The following LINGO2 variants were observed in gnomAD, a reference collection of about 807,000 sequenced individuals.
LINGO2 encodes leucine-rich repeat and immunoglobulin-like domain-containing nogo receptor-interacting protein 2.
In LINGO2, 14 loss-of-function variants were observed where a neutral mutation model predicts 30.6. That is an observed-to-expected ratio of 0.46 (90% CI 0.30 to 0.72). The LOEUF is 0.72. Ranked by LOEUF, LINGO2 falls within the 30% of genes least tolerant of loss-of-function variation. The pLI is 0.07. For synonymous variants in LINGO2, 317 were observed against 288.5 expected, an observed-to-expected ratio of 1.10 and a Z score of -1.00; for missense variants, 729 against 751.7, an observed-to-expected ratio of 0.97 and a Z score of 0.35.
rs1182349790 is a variant in LINGO2, at chr9:28,435,237, C to A, written c.-279+40703G>T. ...TTAAACAAAAACCTGTTCAATTTTACTGTAAAGTAATTCAAGTCTTGTTTA... is the reference window on the plus strand; with the variant it reads ...TTAAACAAAAACCTGTTCAATTTTAATGTAAAGTAATTCAAGTCTTGTTTA... On this transcript the variant is annotated intron_variant, in intron 2 of 5. Coordinates refer to ENST00000379992, the Ensembl canonical transcript of LINGO2. 5.3e-5 allele frequency among the ~76,000 whole-genome samples: 8 copies of A among 152,232 alleles called. No individual in the cohort carries two copies. The East Asian group carries it at 1.5e-3, about 29-fold the overall frequency.
At chr9:28,363,797 T>G (rs1399151754) in intron 3 of LINGO2, among the ~76,000 whole-genome samples, 2 of 152,190 alleles carry the variant, frequency 1.3e-5, no homozygotes, top group African/African-American at 2.4e-5. Flanking sequence ...GTCTTTGAGG[T>G]TGACAATTAT....
intron 4 of LINGO2, among the ~76,000 whole-genome samples, chr9:28,177,098 G>A (rs559436801): frequency 4.6e-5 from 7 of 152,312 alleles, no homozygotes; most frequent in African/African-American, 1.7e-4. Flanking sequence ...ATAGAAAGAT[G>A]TGGATGCATC....
chr9:28,380,209 T>C (rs1343935422), intron 2 of LINGO2, among the ~76,000 whole-genome samples: 2 of 152,014 alleles, frequency 1.3e-5, no homozygotes, highest in Non-Finnish European at 2.9e-5. Flanking sequence ...TTCATTCATT[T>C]AATAAACAGG....
chr9:28,997,093 C>T, the LINGO2 span, among the ~76,000 whole-genome samples: 215 of 152,154 alleles, frequency 1.4e-3, no homozygotes, highest in African/African-American at 5.0e-3. Context: ...CATTGAAATA[C>T]CCTACTAATT....
intron 4 of LINGO2, among the ~76,000 whole-genome samples, chr9:28,284,258 T>C (rs1187278690): frequency 7.9e-5 from 12 of 152,174 alleles, no homozygotes; most frequent in Admixed American, 7.9e-4. Flanking sequence ...ACTTTGCTGA[T>C]GTTGGGTGAA....
chr9:28,473,242 T>C (rs982382777), intron 2 of LINGO2, among the ~76,000 whole-genome samples: 6 of 152,074 alleles, frequency 3.9e-5, no homozygotes, highest in African/African-American at 9.7e-5. Context: ...AGCTTCACAG[T>C]TGAAGAGTAG....
At chr9:28,623,853 ATCC>A (rs1826529396) in intron 1 of LINGO2, among the ~76,000 whole-genome samples, 1 of 151,982 alleles carries the variant, frequency 6.6e-6, no homozygotes, top group Admixed American at 6.6e-5. Context: ...CATTTTTTGT[ATCC>A]TCTTCAATTT....
chr9:28,451,234 A>G (rs1211117261), intron 2 of LINGO2, among the ~76,000 whole-genome samples: 1 of 151,864 alleles, frequency 6.6e-6, no homozygotes, highest in Non-Finnish European at 1.5e-5. Context: ...CTTTATGAAC[A>G]TTACTCTCAA....
At chr9:28,858,736 C>T in the LINGO2 span, among the ~76,000 whole-genome samples, 3 of 151,996 alleles carry the variant, frequency 2.0e-5, no homozygotes, top group East Asian at 1.9e-4. Context: ...AAAATGAGCA[C>T]ATAAATATTT....
the LINGO2 span, among the ~76,000 whole-genome samples, chr9:29,177,589 T>C: frequency 6.6e-6 from 1 of 152,154 alleles, no homozygotes; most frequent in Non-Finnish European, 1.5e-5. Flanking sequence ...TACCCAAATC[T>C]TATCCCAAAT....
At chr9:28,034,889 G>C (rs1440955860) in intron 4 of LINGO2, among the ~76,000 whole-genome samples, 3 of 152,180 alleles carry the variant, frequency 2.0e-5, no homozygotes, top group Non-Finnish European at 4.4e-5. Context: ...AGGTAGATCA[G>C]TTAGCAATTG....
At chr9:29,023,788 A>T in the LINGO2 span, among the ~76,000 whole-genome samples, 1 of 152,144 alleles carries the variant, frequency 6.6e-6, no homozygotes, top group Non-Finnish European at 1.5e-5. Flanking sequence ...ATTTCAGAAT[A>T]TTCAAAACTT....
At chr9:28,706,860 G>A in the LINGO2 span, among the ~76,000 whole-genome samples, 1 of 152,044 alleles carries the variant, frequency 6.6e-6, no homozygotes, top group Non-Finnish European at 1.5e-5. Flanking sequence ...GACCTTATCT[G>A]CTCTTTACCT....
chr9:28,902,487 A>C, the LINGO2 span, among the ~76,000 whole-genome samples: 6 of 152,180 alleles, frequency 3.9e-5, no homozygotes, highest in South Asian at 1.2e-3. Flanking sequence ...TCATCTAGAC[A>C]AATCAATAAG....
intron 3 of LINGO2, among the ~76,000 whole-genome samples, chr9:28,332,555 C>T (rs779890182): frequency 1.9e-4 from 28 of 150,788 alleles, no homozygotes; most frequent in Non-Finnish European, 2.5e-4. Context: ...TGAAGTTGGC[C>T]TTGTTGAAAT....
Position 28,129,013 on chromosome 9 carries a change from T to G in LINGO2, c.-86-116608A>C, listed in dbSNP as rs556118829. ...TCTTCTGGCCTTCATCTTTCTCCCA[T>G]GCTCTATGCTTCCTGGCCTGAAACA... On this transcript the variant is annotated intron_variant, in intron 4 of 5. Coordinates refer to ENST00000379992, the Ensembl canonical transcript of LINGO2. This position sits in a 1 kb window ranked among gnomAD's most constrained non-coding sequence, Gnocchi z 4.0. Among the ~76,000 whole-genome samples, 1 of 152,254 alleles carries G rather than the reference T, an allele frequency of 6.6e-6. No homozygotes were observed. The highest frequency in any genetic ancestry group is 2.1e-4 in the South Asian group (1 of 4,828).
the LINGO2 span, among the ~76,000 whole-genome samples, chr9:28,684,029 T>G: frequency 2.0e-5 from 3 of 152,058 alleles, no homozygotes; most frequent in Non-Finnish European, 2.9e-5. Context: ...ATTCAAAAAT[T>G]CAAAAATTTC....
At chr9:28,590,015 T>C (rs537971134) in intron 1 of LINGO2, among the ~76,000 whole-genome samples, 3 of 152,062 alleles carry the variant, frequency 2.0e-5, no homozygotes, top group Non-Finnish European at 4.4e-5. Flanking sequence ...TCTACAACCA[T>C]CTGATCTTTG....
the LINGO2 span, among the ~76,000 whole-genome samples, chr9:29,180,222 C>T: frequency 1.7e-4 from 26 of 152,110 alleles, no homozygotes; most frequent in Non-Finnish European, 3.2e-4. Context: ...GTAGATTTTT[C>T]GCTTCCATTT....
Sources: gnomAD v4.1 joint callset for allele counts (sites outside exome capture counted in the v4.1 genomes callset) on GRCh38, gnomAD v4.1.1 for gene constraint, Gnocchi (gnomAD v3.1) non-coding constraint, MANE v1.5 for transcripts, NCBI Gene and HGNC (gene_info 2026-07-23, HGNC 2026-07-21) for gene names.